Variants in MSI2 observed in about 807,000 individuals in gnomAD.
MSI2 encodes musashi RNA binding protein 2, also known as RNA-binding protein Musashi homolog 2.
Under a neutral mutation model 45.6 loss-of-function variants are expected in MSI2, and 17 were observed. The observed-to-expected ratio is 0.37, with a 90% CI of 0.26 to 0.56. MSI2 has a LOEUF of 0.56. Ranked by LOEUF, MSI2 falls within the 20% of genes least tolerant of loss-of-function variation. The probability of loss-of-function intolerance (pLI) is 0.77; values close to 1 mark genes in which losing one functional copy is unlikely to be tolerated. For missense variants in MSI2, 293 were observed against 444.2 expected, an observed-to-expected ratio of 0.66 and a Z score of 3.06; for synonymous variants, 156 against 158.2, an observed-to-expected ratio of 0.99 and a Z score of 0.11.
At chr17:57,499,353 G>C (rs2086049360) in intron 6 of MSI2, among the ~76,000 whole-genome samples, 2 of 131,486 alleles carry the variant, frequency 1.5e-5, no homozygotes. Context: ...TCCAGCCTGG[G>C]CAACAGAGTA....
At chr17:57,691,223 CTA>C in the MSI2 span, among the ~76,000 whole-genome samples, 222 of 151,802 alleles carry the variant, frequency 1.5e-3, no homozygotes, top group African/African-American at 5.2e-3. Context: ...ATCTATCTAT[CTA>C]TCTATCTATC....
At position 57,280,028 on chromosome 17, in the gene MSI2, A is replaced by C. The variant is rs1224069851; in HGVS notation, c.312+17836A>C. 1 of 152,084 alleles carries C rather than the reference A, an allele frequency of 6.6e-6. No individual in the cohort carries two copies. Among genetic ancestry groups the C allele is most frequent in the East Asian group, 1.9e-4 (1 of 5,196 alleles). 9.4% of individuals were successfully genotyped at this position (152,084 alleles called of 1,614,324 possible). Reference sequence around the variant, plus strand: ...TAAAGGGATCATAACAAAAAAAAAAAAACAGTGTCCTTTGGGTTTTGGGAA... The same window carrying C: ...TAAAGGGATCATAACAAAAAAAAAACAACAGTGTCCTTTGGGTTTTGGGAA... On this transcript the variant is annotated intron_variant, in intron 5 of 13. Coordinates refer to ENST00000284073, the MANE Select transcript of MSI2 (RefSeq NM_138962.4). This position sits in a 1 kb window ranked among gnomAD's most constrained non-coding sequence, Gnocchi z 4.2.
intron 6 of MSI2, among the ~76,000 whole-genome samples, chr17:57,522,012 G>C (rs141712327): frequency 6.6e-6 from 1 of 152,166 alleles, no homozygotes; most frequent in East Asian, 1.9e-4. Context: ...TGAGCTTTAC[G>C]GAAGGAACCG....
chr17:57,642,976 G>A (rs1425925140), intron 10 of MSI2, among the ~76,000 whole-genome samples: 2 of 152,140 alleles, frequency 1.3e-5, no homozygotes, highest in African/African-American at 2.4e-5. Context: ...TGAGAGAGTC[G>A]CAGGACACAA....
chr17:57,336,739 A>G (rs1415012011), intron 5 of MSI2, among the ~76,000 whole-genome samples: 2 of 152,238 alleles, frequency 1.3e-5, no homozygotes, highest in Non-Finnish European at 2.9e-5. Context: ...GGCATTATAT[A>G]TTGAGCTCTT....
chr17:57,636,968 C>T (rs1232755532), intron 10 of MSI2, among the ~76,000 whole-genome samples: 1 of 152,232 alleles, frequency 6.6e-6, no homozygotes. Flanking sequence ...GCACTGTAAA[C>T]AGAAATGCTC....
chr17:57,671,885 G>A (rs909847663), intron 11 of MSI2, among the ~76,000 whole-genome samples: 41 of 152,276 alleles, frequency 2.7e-4, no homozygotes, highest in African/African-American at 7.9e-4. Context: ...TGGCTCGTTC[G>A]GGGACTTTAA....
intron 7 of MSI2, among the ~76,000 whole-genome samples, chr17:57,568,109 G>A (rs969821683): frequency 6.6e-6 from 1 of 152,196 alleles, no homozygotes; most frequent in Non-Finnish European, 1.5e-5. Context: ...TAAAGGCTGG[G>A]GGAGCTGGGT....
At chr17:57,662,861 T>C (rs961402688) in intron 11 of MSI2, among the ~76,000 whole-genome samples, 17 of 152,162 alleles carry the variant, frequency 1.1e-4, no homozygotes, top group Admixed American at 7.2e-4. Context: ...CTCAGACCAA[T>C]GTCAGACAAA....
At chr17:57,385,981 G>A (rs919757356) in intron 5 of MSI2, among the ~76,000 whole-genome samples, 2 of 150,756 alleles carry the variant, frequency 1.3e-5, no homozygotes, top group East Asian at 3.9e-4. Context: ...GGTTGATGTC[G>A]ATTGGAATGA....
At chr17:57,401,549 G>T in intron 6 of MSI2, 78 bp downstream of exon 6, 1 of 1,109,370 alleles carries the variant, frequency 9.0e-7, no homozygotes, top group Non-Finnish European at 1.4e-6. Context: ...CGTGGCCCCC[G>T]CCCCTGCTAC....
chr17:57,344,470 T>C (rs2143805668), intron 5 of MSI2, among the ~76,000 whole-genome samples: 1 of 152,350 alleles, frequency 6.6e-6, no homozygotes, highest in South Asian at 2.1e-4. Context: ...GCTCATCTTG[T>C]GTCTCCCCTG....
intron 5 of MSI2, among the ~76,000 whole-genome samples, chr17:57,310,376 C>T (rs1728388816): frequency 6.6e-6 from 1 of 151,988 alleles, no homozygotes; most frequent in African/African-American, 2.4e-5. Flanking sequence ...CTCCGTCACC[C>T]AGGCTGGAGT....
chr17:57,356,535 A>G (rs1916438398), intron 5 of MSI2, among the ~76,000 whole-genome samples: 1 of 152,194 alleles, frequency 6.6e-6, no homozygotes, highest in South Asian at 2.1e-4. Context: ...CCCAAAGACG[A>G]AAACACACAA....
At chr17:57,597,461 T>C in intron 8 of MSI2, among the ~76,000 whole-genome samples, 1 of 60,944 alleles carries the variant, frequency 1.6e-5, no homozygotes. Flanking sequence ...CCAGACCTCA[T>C]CTCTTAAAAA....
rs980194439 is a variant in MSI2, at chr17:57,563,758, A to G, written c.455-33110A>G. On this transcript the variant is annotated intron_variant, in intron 7 of 13. Coordinates refer to ENST00000284073, the MANE Select transcript of MSI2 (RefSeq NM_138962.4). Reference sequence around the variant, plus strand: ...CACACACAGGCGCGCACACACACACACACACACACACACACACACACACAC... The same window carrying G: ...CACACACAGGCGCGCACACACACACGCACACACACACACACACACACACAC... 8.3e-3 allele frequency among the ~76,000 whole-genome samples: 1,240 copies of G among 149,494 alleles called. 15 individuals are homozygous for G. Among genetic ancestry groups the G allele is most frequent in the Middle Eastern group, 0.028 (8 of 290 alleles).
At chr17:57,357,136 TG>T (rs983130131) in intron 5 of MSI2, among the ~76,000 whole-genome samples, 1 of 152,136 alleles carries the variant, frequency 6.6e-6, no homozygotes, top group Non-Finnish European at 1.5e-5. Context: ...AAAGCAGCTC[TG>T]GCCCCGTTTC....
intron 5 of MSI2, among the ~76,000 whole-genome samples, chr17:57,304,601 T>G (rs1911726439): frequency 1.3e-5 from 2 of 151,590 alleles, no homozygotes; most frequent in Admixed American, 1.3e-4. Flanking sequence ...TTTTGTATTT[T>G]GAATAGAGAC....
intron 5 of MSI2, among the ~76,000 whole-genome samples, chr17:57,363,719 A>G (rs916707496): frequency 2.0e-4 from 30 of 151,848 alleles, no homozygotes; most frequent in African/African-American, 6.3e-4. Flanking sequence ...AGCCTGGGCA[A>G]CAGAGTGAGA....
Sources: allele counts gnomAD v4.1 joint callset (sites outside exome capture counted in the v4.1 genomes callset), GRCh38; gene constraint gnomAD v4.1.1; non-coding constraint Gnocchi (gnomAD v3.1); transcripts MANE v1.5; gene names NCBI Gene and HGNC (gene_info 2026-07-23, HGNC 2026-07-21).